The following TMEM229A variants were observed in gnomAD, a reference collection of about 807,000 sequenced individuals.
TMEM229A encodes transmembrane protein 229A.
In TMEM229A, 23 loss-of-function variants were observed where a neutral mutation model predicts 30.0. The observed-to-expected ratio is 0.77, with a 90% CI of 0.55 to 1.09. The LOEUF is 1.09. TMEM229A is among the 50% of genes least tolerant of loss of function. The pLI is 0.00. For synonymous variants in TMEM229A, 264 were observed against 241.5 expected (o/e 1.09, Z -0.86); for missense variants, 534 against 525.9 (o/e 1.02, Z -0.15).
Position 124,032,070 on chromosome 7 carries a change from T to C in TMEM229A, c.934A>G (p.Ile312Val), listed in dbSNP as rs1793140336. 6.4e-7 allele frequency: 1 copy of C among 1,551,596 alleles called. No individual in the cohort carries two copies. The highest frequency in any genetic ancestry group is 1.2e-5 in the South Asian group (1 of 84,068). Reference sequence around the variant, plus strand: ...CACACGTAGATGAAGATCACGTAGATGGGCACCCGCTTCCAAGTGCCCCAA... The same window carrying C: ...CACACGTAGATGAAGATCACGTAGACGGGCACCCGCTTCCAAGTGCCCCAA... The part of the protein sequence containing the change: ...RGWGTWKRVP[I>V]YVIFIYVWEL... The change falls in exon 1 of 1, where the codon ATC becomes GTC. Residue 312 changes from isoleucine to valine, a missense_variant. By Grantham distance (29) the Ile-to-Val change is conservative. Coordinates refer to ENST00000455783, the MANE Select transcript of TMEM229A (RefSeq NM_001136002.2). The surrounding 1 kb of genome is among the most constrained non-coding windows in gnomAD (Gnocchi z 6.6).
rs1283470593 is a variant in TMEM229A, at chr7:124,032,452, T to C, written c.552A>G (p.Arg184=). 43 of 1,547,410 alleles carry C rather than the reference T, an allele frequency of 2.8e-5. No homozygotes were observed. The highest frequency in any genetic ancestry group is 2.1e-5 in the Non-Finnish European group (24 of 1,146,298). The change falls in exon 1 of 1, where the codon CGA becomes CGG. Residue 184 remains arginine, a synonymous_variant. Coordinates refer to ENST00000455783, the MANE Select transcript of TMEM229A (RefSeq NM_001136002.2). This position sits in a 1 kb window ranked among gnomAD's most constrained non-coding sequence, Gnocchi z 6.6. ...LKRFLRLRYG[R]QRRRQQQQQQ... ...GCTGTTGCTGCTGCCGCCGCCTCTG[T>C]CGCCCGTACCGCAAGCGCAGGAAGC...
chr7:124,032,028 G>GA lies in TMEM229A; in HGVS notation c.975dup (p.Leu326SerfsTer36), dbSNP rs1793139590. On this transcript the variant is annotated frameshift_variant, in exon 1 of 1. Coordinates refer to ENST00000455783, the MANE Select transcript of TMEM229A (RefSeq NM_001136002.2). LOFTEE classifies it high-confidence loss of function. This position sits in a 1 kb window ranked among gnomAD's most constrained non-coding sequence, Gnocchi z 6.6. ...CAAGCCCCGCACGTGCGGAGTCCCA[G>GA]ACCCCAGGACAGCTCCCACACGTAG... 6.4e-7 allele frequency: 1 copy of GA among 1,551,692 alleles called. No individual in the cohort carries two copies. Among genetic ancestry groups the GA allele is most frequent in the East Asian group, 2.4e-5 (1 of 40,908 alleles).
Position 124,031,879 on chromosome 7 carries a change from C to G in TMEM229A, c.1125G>C (p.Gln375His), listed in dbSNP as rs780324135. 2 of 1,550,802 alleles carry G rather than the reference C, an allele frequency of 1.3e-6. No homozygotes were observed. Among genetic ancestry groups the G allele is most frequent in the Admixed American group, 2.0e-5 (1 of 50,948 alleles). Residue 375 changes from glutamine (Q) to histidine (H), a missense_variant, in exon 1 of 1, where the codon CAG (glutamine) becomes CAC (histidine). Physicochemically the swap from Gln to His is conservative, Grantham distance 24. Transcript: ENST00000455783. The surrounding 1 kb of genome is among the most constrained non-coding windows in gnomAD (Gnocchi z 4.1). Reference sequence around the variant, plus strand: ...TTTGGTTTTAGTTAGCTGGTACGTACTGCACCCTCCACAACACGTTGGAAA... The same window carrying G: ...TTTGGTTTTAGTTAGCTGGTACGTAGTGCACCCTCCACAACACGTTGGAAA... ...DLISNVLWRVQYVPAN is the reference protein window; with the variant it reads ...DLISNVLWRVHYVPAN
At position 124,032,292 on chromosome 7, in the gene TMEM229A, G is replaced by A; in HGVS notation, c.712C>T (p.Leu238=). The A allele has an allele frequency of 6.4e-7, 1 of 1,550,932 alleles. No homozygotes were observed. Among genetic ancestry groups the A allele is most frequent in the Non-Finnish European group, 8.7e-7 (1 of 1,146,928 alleles). The change falls in exon 1 of 1, where the codon CTG becomes TTG. Residue 238 remains leucine (L), a synonymous_variant. Coordinates refer to ENST00000455783, the MANE Select transcript of TMEM229A (RefSeq NM_001136002.2). This position sits in a 1 kb window ranked among gnomAD's most constrained non-coding sequence, Gnocchi z 6.6. ...AAAAGAAAGCGGGGTAGGTCGGGCA[G>A]CCCCTGGCTGGGGGCTCCCCCGGCG... ...RGAGGAPSQG[L]PDLPRFLFFG... is the part of the protein sequence containing the mutation.
chr7:124,032,539 C>T lies in TMEM229A; in HGVS notation c.465G>A (p.Gly155=). 1 of 1,549,466 alleles carries T rather than the reference C, an allele frequency of 6.5e-7. No homozygotes were observed. The highest frequency in any genetic ancestry group is 8.7e-7 in the Non-Finnish European group (1 of 1,146,032). The change falls in exon 1 of 1, where the codon GGG becomes GGA. Residue 155 remains glycine, a synonymous_variant. Transcript: ENST00000455783. This position sits in a 1 kb window ranked among gnomAD's most constrained non-coding sequence, Gnocchi z 6.6. ...CGTACTGCAGCGCCAGGTCCAGCGC[C>T]CCTGGCGCCACCGCGACCCCCGCCC... ...GGGAGVAVAP[G]ALDLALQYVL...
Position 124,032,036 on chromosome 7 carries a change from G to C in TMEM229A, c.968C>G (p.Ser323Cys), listed in dbSNP as rs1793139728. The C allele has an allele frequency of 6.4e-7, 1 of 1,551,652 alleles. No homozygotes were observed. Among genetic ancestry groups the C allele is most frequent in the Non-Finnish European group, 8.7e-7 (1 of 1,146,980 alleles). ...GCACGTGCGGAGTCCCAGACCCCAGGACAGCTCCCACACGTAGATGAAGAT... is the reference window on the plus strand; with the variant it reads ...GCACGTGCGGAGTCCCAGACCCCAGCACAGCTCCCACACGTAGATGAAGAT... ...YVIFIYVWELSWGLGLRTCGA... is the reference protein window; with the variant it reads ...YVIFIYVWELCWGLGLRTCGA... Residue 323 changes from serine to cysteine, a missense_variant, in exon 1 of 1, where the codon TCC becomes TGC. Coordinates refer to ENST00000455783, the MANE Select transcript of TMEM229A (RefSeq NM_001136002.2). The surrounding 1 kb of genome is among the most constrained non-coding windows in gnomAD (Gnocchi z 6.6).
At position 124,032,858 on chromosome 7, in the gene TMEM229A, G is replaced by T; in HGVS notation, c.146C>A (p.Ala49Asp). The stretch of plus-strand genomic sequence containing the variant: ...GAGGCGCATCCAGGCGGGCAGCGTG[G>T]CGCTCTCAGCCGGCGCTTCAGCAGT... ...LSTAEAPAES[A>D]TLPAWMRLYF... Residue 49 changes from alanine to aspartate, a missense_variant, in exon 1 of 1, where the codon GCC becomes GAC. Coordinates refer to ENST00000455783, the MANE Select transcript of TMEM229A (RefSeq NM_001136002.2). The surrounding 1 kb of genome is among the most constrained non-coding windows in gnomAD (Gnocchi z 6.6). 6.5e-7 allele frequency: 1 copy of T among 1,543,218 alleles called. No individual in the cohort carries two copies.
chr7:124,032,911 C>G lies in TMEM229A; in HGVS notation c.93G>C (p.Ala31=). ...PGAPGGPGSE[A]AAGCPEPLST... ...ACAGCGGCTCCGGGCAGCCGGCTGC[C>G]GCCTCGCTTCCTGGCCCGCCAGGGG... The change falls in exon 1 of 1, where the codon GCG becomes GCC. Residue 31 remains alanine (A), a synonymous_variant. Transcript: ENST00000455783. The surrounding 1 kb of genome is among the most constrained non-coding windows in gnomAD (Gnocchi z 6.6). 16 of 1,411,712 alleles carry G rather than the reference C, an allele frequency of 1.1e-5. No individual in the cohort carries two copies. The highest frequency in any genetic ancestry group is 1.5e-5 in the Non-Finnish European group (16 of 1,081,864). 87.4% of individuals were successfully genotyped at this position (1,411,712 alleles called of 1,614,324 possible).
Position 124,032,506 on chromosome 7 carries a change from C to G in TMEM229A, c.498G>C (p.Ala166=), listed in dbSNP as rs1039055066. 24 of 1,550,118 alleles carry G rather than the reference C, an allele frequency of 1.5e-5. No individual in the cohort carries two copies. Among genetic ancestry groups the G allele is most frequent in the Non-Finnish European group, 1.9e-5 (22 of 1,146,532 alleles). The change falls in exon 1 of 1, where the codon GCG becomes GCC. Residue 166 remains alanine (A), a synonymous_variant. Transcript: ENST00000455783. This position sits in a 1 kb window ranked among gnomAD's most constrained non-coding sequence, Gnocchi z 6.6. Reference sequence around the variant, plus strand: ...TCAGGAACACTTGGCAGTGGTAGAGCGCCAGCACGTACTGCAGCGCCAGGT... The same window carrying G: ...TCAGGAACACTTGGCAGTGGTAGAGGGCCAGCACGTACTGCAGCGCCAGGT... ...ALDLALQYVL[A]LYHCQVFLKR...
rs1385952547 is a variant in TMEM229A, at chr7:124,031,961, A to T, written c.1043T>A (p.Leu348His). 1 of 1,551,646 alleles carries T rather than the reference A, an allele frequency of 6.4e-7. No individual in the cohort carries two copies. Among genetic ancestry groups the T allele is most frequent in the Non-Finnish European group, 8.7e-7 (1 of 1,146,994 alleles). The part of the protein sequence containing the change: ...YSHYPLNFMG[L>H]ITLMYLPGWI... ...GCCAGGTAAATACATCAGGGTGATG[A>T]GGCCCATAAAATTGAGCGGGTAGTG... The change falls in exon 1 of 1, where the codon CTC (leucine) becomes CAC (histidine). Residue 348 changes from leucine (L) to histidine (H), a missense_variant. Leu to His is a moderately conservative substitution (Grantham distance 99). Transcript: ENST00000455783. The surrounding 1 kb of genome is among the most constrained non-coding windows in gnomAD (Gnocchi z 4.1).
Position 124,032,905 on chromosome 7 carries a change from G to C in TMEM229A, c.99C>G (p.Ala33=), listed in dbSNP as rs763301316. ...APGGPGSEAA[A]GCPEPLSTAE... ...CAGTGGACAGCGGCTCCGGGCAGCC[G>C]GCTGCCGCCTCGCTTCCTGGCCCGC... The change falls in exon 1 of 1, where the codon GCC becomes GCG. Residue 33 remains alanine, a synonymous_variant. Coordinates refer to ENST00000455783, the MANE Select transcript of TMEM229A (RefSeq NM_001136002.2). The surrounding 1 kb of genome is among the most constrained non-coding windows in gnomAD (Gnocchi z 6.6). 7.0e-6 allele frequency: 10 copies of C among 1,429,820 alleles called. No individual in the cohort carries two copies. The highest frequency in any genetic ancestry group is 9.2e-6 in the Non-Finnish European group (10 of 1,089,798). 88.6% of individuals were successfully genotyped at this position (1,429,820 alleles called of 1,614,324 possible).
chr7:124,032,554 G>A lies in TMEM229A; in HGVS notation c.450C>T (p.Val150=). The A allele has an allele frequency of 1.3e-6, 2 of 1,549,374 alleles. No homozygotes were observed. The highest frequency in any genetic ancestry group is 1.7e-6 in the Non-Finnish European group (2 of 1,145,922). The change falls in exon 1 of 1, where the codon GTC becomes GTT. Residue 150 remains valine (V), a synonymous_variant. Transcript: ENST00000455783. The surrounding 1 kb of genome is among the most constrained non-coding windows in gnomAD (Gnocchi z 6.6). ...GGTCCAGCGCCCCTGGCGCCACCGC[G>A]ACCCCCGCCCCGCCGCCCAGGCTGA... ...LLLSLGGGAG[V]AVAPGALDLA...
In TMEM229A at chr7:124,032,896, C is replaced by G; in HGVS notation, c.108G>C (p.Pro36=). The change falls in exon 1 of 1, where the codon CCG becomes CCC. Residue 36 remains proline, a synonymous_variant. Transcript: ENST00000455783. This position sits in a 1 kb window ranked among gnomAD's most constrained non-coding sequence, Gnocchi z 6.6. The stretch of plus-strand genomic sequence containing the variant: ...GCGCTTCAGCAGTGGACAGCGGCTC[C>G]GGGCAGCCGGCTGCCGCCTCGCTTC... ...GPGSEAAAGC[P]EPLSTAEAPA... 1 of 1,449,350 alleles carries G rather than the reference C, an allele frequency of 6.9e-7. No homozygotes were observed. The highest frequency in any genetic ancestry group is 9.1e-7 in the Non-Finnish European group (1 of 1,098,240). The allele number at this position is 1,449,350 out of a possible 1,614,324, so 89.8% of individuals were successfully genotyped here. A position where few individuals can be genotyped will look rare whatever the true frequency, so the allele number is the denominator to read the frequency against.
chr7:124,032,055 TGAA>T lies in TMEM229A; in HGVS notation c.946_948del (p.Phe316del), dbSNP rs1459265683. The stretch of plus-strand genomic sequence containing the variant: ...CCCCAGGACAGCTCCCACACGTAGA[TGAA>T]GATCACGTAGATGGGCACCCGCTTC... On this transcript the variant is annotated inframe_deletion, in exon 1 of 1. Coordinates refer to ENST00000455783, the MANE Select transcript of TMEM229A (RefSeq NM_001136002.2). The surrounding 1 kb of genome is among the most constrained non-coding windows in gnomAD (Gnocchi z 6.6). The T allele has an allele frequency of 1.3e-6, 2 of 1,551,474 alleles. No homozygotes were observed. The highest frequency in any genetic ancestry group is 2.7e-5 in the African/African-American group (2 of 72,988).
rs1313028217 is a variant in TMEM229A, at chr7:124,032,980, G to T, written c.24C>A (p.Ser8Arg). The change falls in exon 1 of 1, where the codon AGC becomes AGA. Residue 8 changes from serine to arginine, a missense_variant. Physicochemically the swap from Ser to Arg is moderately radical, Grantham distance 110. Coordinates refer to ENST00000455783, the MANE Select transcript of TMEM229A (RefSeq NM_001136002.2). This position sits in a 1 kb window ranked among gnomAD's most constrained non-coding sequence, Gnocchi z 6.6. ...CGCCGCCCCTCCGTGCGGGGCCCTC[G>T]CTGTCCACGTCGCTCCCCGCCATGG... Reference protein sequence around the residue: MAGSDVDSEGPARRGGAA... With the variant: MAGSDVDREGPARRGGAA... 7 of 1,302,036 alleles carry T rather than the reference G, an allele frequency of 5.4e-6. No individual in the cohort carries two copies. In the South Asian group the frequency reaches 1.2e-4, roughly 22 times the overall value. The allele number at this position is 1,302,036 out of a possible 1,614,324, so 80.7% of individuals were successfully genotyped here.
rs1438259461 is a variant in TMEM229A, at chr7:124,031,117, T to C, written c.*744A>G. On this transcript the variant is annotated 3_prime_UTR_variant, in exon 1 of 1. Transcript: ENST00000455783. This position sits in a 1 kb window ranked among gnomAD's most constrained non-coding sequence, Gnocchi z 4.1. ...CAGCCATAGATAACACAGGATCTGA[T>C]CAACGTTAACACACCTGCTGTTTAA... 1 of 152,226 alleles carries C rather than the reference T, an allele frequency of 6.6e-6. No homozygotes were observed. Among genetic ancestry groups the C allele is most frequent in the African/African-American group, 2.4e-5 (1 of 41,456 alleles). 9.4% of individuals were successfully genotyped at this position (152,226 alleles called of 1,614,324 possible). A position where few individuals can be genotyped will look rare whatever the true frequency, so the allele number is the denominator to read the frequency against.
Position 124,032,515 on chromosome 7 carries a change from G to C in TMEM229A, c.489C>G (p.Tyr163Ter), listed in dbSNP as rs1178216279. Residue 163 changes from tyrosine (Y) to a stop codon, truncating the protein, a stop_gained, in exon 1 of 1, where the codon TAC (tyrosine) becomes TAG (stop). Coordinates refer to ENST00000455783, the MANE Select transcript of TMEM229A (RefSeq NM_001136002.2). LOFTEE classifies it high-confidence loss of function. The surrounding 1 kb of genome is among the most constrained non-coding windows in gnomAD (Gnocchi z 6.6). ...CTTGGCAGTGGTAGAGCGCCAGCAC[G>C]TACTGCAGCGCCAGGTCCAGCGCCC... Reference protein sequence around the residue: ...APGALDLALQYVLALYHCQVF... With the variant: ...APGALDLALQ 3 of 1,549,870 alleles carry C rather than the reference G, an allele frequency of 1.9e-6. No homozygotes were observed. The highest frequency in any genetic ancestry group is 1.2e-5 in the South Asian group (1 of 84,004).
chr7:124,032,541 C>T lies in TMEM229A; in HGVS notation c.463G>A (p.Gly155Arg), dbSNP rs1403925742. The T allele has an allele frequency of 6.5e-7, 1 of 1,549,484 alleles. No homozygotes were observed. The highest frequency in any genetic ancestry group is 1.2e-5 in the South Asian group (1 of 83,964). The change falls in exon 1 of 1, where the codon GGG (glycine) becomes AGG (arginine). Residue 155 changes from glycine (G) to arginine (R), a missense_variant. Coordinates refer to ENST00000455783, the MANE Select transcript of TMEM229A (RefSeq NM_001136002.2). The surrounding 1 kb of genome is among the most constrained non-coding windows in gnomAD (Gnocchi z 6.6). ...TACTGCAGCGCCAGGTCCAGCGCCC[C>T]TGGCGCCACCGCGACCCCCGCCCCG... ...GGGAGVAVAP[G>R]ALDLALQYVL...
Position 124,032,870 on chromosome 7 carries a change from G to T in TMEM229A, c.134C>A (p.Pro45Gln). 6.5e-7 allele frequency: 1 copy of T among 1,541,916 alleles called. No individual in the cohort carries two copies. Among genetic ancestry groups the T allele is most frequent in the Non-Finnish European group, 8.7e-7 (1 of 1,143,210 alleles). Residue 45 changes from proline (P) to glutamine (Q), a missense_variant, in exon 1 of 1, where the codon CCG (proline) becomes CAG (glutamine). Coordinates refer to ENST00000455783, the MANE Select transcript of TMEM229A (RefSeq NM_001136002.2). This position sits in a 1 kb window ranked among gnomAD's most constrained non-coding sequence, Gnocchi z 6.6. ...GGCGGGCAGCGTGGCGCTCTCAGCCGGCGCTTCAGCAGTGGACAGCGGCTC... is the reference window on the plus strand; with the variant it reads ...GGCGGGCAGCGTGGCGCTCTCAGCCTGCGCTTCAGCAGTGGACAGCGGCTC... ...CPEPLSTAEA[P>Q]AESATLPAWM...
Sources: gnomAD v4.1 joint callset for allele counts on GRCh38, gnomAD v4.1.1 for gene constraint, Gnocchi (gnomAD v3.1) non-coding constraint, MANE v1.5 for transcripts, NCBI Gene and HGNC (gene_info 2026-07-23, HGNC 2026-07-21) for gene names.